SCLT1: variants seen among roughly 807,000 people sequenced by gnomAD.
SCLT1 encodes sodium channel and clathrin linker 1, also known as sodium channel-associated protein 1.
Under a neutral mutation model 112.8 loss-of-function variants are expected in SCLT1, and 78 were observed. That is an observed-to-expected ratio of 0.69 (90% CI 0.58 to 0.83). The LOEUF (loss-of-function observed/expected upper bound fraction) is 0.83. Among genes scored for constraint, SCLT1 ranks in the 40% least tolerant of loss-of-function variants. The pLI, the probability that SCLT1 is intolerant of heterozygous loss-of-function variation, is 0.00. For missense variants in SCLT1, 747 were observed against 770.4 expected (o/e 0.97, Z 0.36); for synonymous variants, 257 against 254.7 (o/e 1.01, Z -0.09).
downstream of SCLT1, among the ~76,000 whole-genome samples, chr4:128,883,431 A>G (rs1732692459): frequency 6.6e-6 from 1 of 152,120 alleles, no homozygotes; most frequent in Non-Finnish European, 1.5e-5. Flanking sequence ...GGGGAGGGAC[A>G]GCATTAGGAG....
At chr4:128,992,987 T>C (rs928617233) in intron 8 of SCLT1, among the ~76,000 whole-genome samples, 2 of 152,042 alleles carry the variant, frequency 1.3e-5, no homozygotes, top group South Asian at 2.1e-4. Context: ...TTGATCTTAA[T>C]AGTTTTGATT....
At chr4:128,964,913 TTTTA>T (rs1442396536) in intron 11 of SCLT1, among the ~76,000 whole-genome samples, 1 of 152,134 alleles carries the variant, frequency 6.6e-6, no homozygotes, top group Admixed American at 6.5e-5. Flanking sequence ...ATATCAAGGG[TTTTA>T]TTTGTTTCCT....
chr4:129,077,239 A>C (rs1177406391), intron 2 of SCLT1, among the ~76,000 whole-genome samples: 4 of 151,718 alleles, frequency 2.6e-5, no homozygotes, highest in African/African-American at 7.3e-5. Flanking sequence ...TTATATAGAC[A>C]ATCAAGTTTG....
At chr4:128,956,993 T>A (rs376064626) in intron 13 of SCLT1, 33 bp downstream of exon 13, 1 of 1,223,376 alleles carries the variant, frequency 8.2e-7, no homozygotes, top group African/African-American at 1.5e-5. Flanking sequence ...GTGACTTAAA[T>A]TCTGAATTTT....
chr4:128,992,144 A>C, intron 9 of SCLT1, 23 bp downstream of exon 9: 1 of 1,453,408 alleles, frequency 6.9e-7, no homozygotes, highest in Non-Finnish European at 9.6e-7. Flanking sequence ...CAATGAAATA[A>C]TGAAACTCAT....
Position 128,936,918 on chromosome 4 carries a change from T to C in SCLT1, c.1633-67A>G, listed in dbSNP as rs17013952. ...ATAGGTGCTATACAGATCAATGATA[T>C]ATACAAAAGGAATCATTCATTATGT... On this transcript the variant is annotated intron_variant, in intron 17 of 20. Transcript: ENST00000281142. The C allele has an allele frequency of 6.9e-3, 4,317 of 625,466 alleles. 112 individuals carry two copies. The highest frequency in any genetic ancestry group is 0.061 in the African/African-American group (3,190 of 51,990). The allele number at this position is 625,466 out of a possible 1,614,324, so 38.7% of individuals were successfully genotyped here.
chr4:128,903,756 A>C (rs762183256), intron 18 of SCLT1, among the ~76,000 whole-genome samples: 1 of 152,172 alleles, frequency 6.6e-6, no homozygotes, highest in Non-Finnish European at 1.5e-5. Context: ...CCTTCCTGTC[A>C]GTACTTTGTA....
chr4:128,908,716 C>G (rs1458482348), intron 18 of SCLT1, among the ~76,000 whole-genome samples: 4 of 152,132 alleles, frequency 2.6e-5, no homozygotes, highest in African/African-American at 7.2e-5. Flanking sequence ...CATACATTTC[C>G]CAGACTTCTA....
chr4:129,055,773 GGAGT>G (rs1315516146), intron 2 of SCLT1, among the ~76,000 whole-genome samples: 1 of 151,878 alleles, frequency 6.6e-6, no homozygotes, highest in Non-Finnish European at 1.5e-5. Flanking sequence ...CCTTTCCAGG[GGAGT>G]GAGTAATTCT....
In SCLT1 at chr4:128,970,286, C is replaced by T; in HGVS notation, c.777+92G>A. The T allele has an allele frequency of 8.3e-6, 6 of 719,138 alleles. 1 individual carries two copies. The highest frequency in any genetic ancestry group is 4.7e-5 in the South Asian group (3 of 63,190). 44.5% of individuals were successfully genotyped at this position (719,138 alleles called of 1,614,324 possible). A position where few individuals can be genotyped will look rare whatever the true frequency, so the allele number is the denominator to read the frequency against. On this transcript the variant is annotated intron_variant, in intron 10 of 20. Transcript: ENST00000281142. The stretch of plus-strand genomic sequence containing the variant: ...TTAAAATAATTAATTCATCTTCTGA[C>T]AACCCTCTTTAACACCTAATCCAAA...
chr4:128,891,022 C>T lies in SCLT1; in HGVS notation c.1908+37G>A, dbSNP rs1359912111. On this transcript the variant is annotated intron_variant, in intron 19 of 20. Transcript: ENST00000281142. Reference sequence around the variant, plus strand: ...ATTCTATAACATGTGTATCATGCTGCAGCAGAAAGCACTTCCCAGGGGAGT... The same window carrying T: ...ATTCTATAACATGTGTATCATGCTGTAGCAGAAAGCACTTCCCAGGGGAGT... 4.9e-6 allele frequency: 7 copies of T among 1,416,064 alleles called. No individual in the cohort carries two copies. The South Asian group carries it at 8.1e-5, about 16-fold the overall frequency. 87.7% of individuals were successfully genotyped at this position (1,416,064 alleles called of 1,614,324 possible). A position where few individuals can be genotyped will look rare whatever the true frequency, so the allele number is the denominator to read the frequency against.
intron 18 of SCLT1, among the ~76,000 whole-genome samples, chr4:128,901,671 TA>T (rs541501240): frequency 6.2e-4 from 92 of 148,830 alleles, no homozygotes; most frequent in South Asian, 2.1e-3. Flanking sequence ...TAAAGTATAA[TA>T]AAAAAAAAAT....
chr4:128,907,421 T>C (rs1178877380), intron 18 of SCLT1, among the ~76,000 whole-genome samples: 2 of 152,068 alleles, frequency 1.3e-5, no homozygotes, highest in Non-Finnish European at 2.9e-5. Flanking sequence ...ATCTAGGAGA[T>C]TGAATTAGTA....
chr4:128,883,652 A>G (rs563382889), downstream of SCLT1, among the ~76,000 whole-genome samples: 39 of 152,290 alleles, frequency 2.6e-4, no homozygotes, highest in Admixed American at 9.8e-4. Context: ...GAATGTTTTC[A>G]TGTCACCTTC....
chr4:128,916,499 G>C (rs1735484373), intron 18 of SCLT1, among the ~76,000 whole-genome samples: 1 of 152,132 alleles, frequency 6.6e-6, no homozygotes, highest in South Asian at 2.1e-4. Context: ...TCTCTGAGTA[G>C]ATTTACAGTT....
chr4:128,935,690 G>T (rs867182188), intron 18 of SCLT1, among the ~76,000 whole-genome samples: 1 of 151,746 alleles, frequency 6.6e-6, no homozygotes, highest in Non-Finnish European at 1.5e-5. Flanking sequence ...TTTTATTTTT[G>T]ATTTTTACTA....
chr4:129,060,544 T>C lies in SCLT1; in HGVS notation c.103-16493A>G, dbSNP rs140540239. Among the ~76,000 whole-genome samples the C allele has an allele frequency of 2.0e-5, 3 of 152,278 alleles. No individual in the cohort carries two copies. The East Asian group carries it at 5.8e-4, about 29-fold the overall frequency. On this transcript the variant is annotated intron_variant, in intron 2 of 20. Coordinates refer to ENST00000281142, the MANE Select transcript of SCLT1 (RefSeq NM_144643.4). ...GTTGGGAAGGGCGTGGTAATTTTGT[T>C]TACAGATAAGTGTAATGGAATAGGG...
intron 5 of SCLT1, among the ~76,000 whole-genome samples, chr4:129,031,139 G>C (rs188332157): frequency 1.3e-5 from 2 of 151,934 alleles, no homozygotes; most frequent in East Asian, 3.9e-4. Context: ...TCATCCCTAG[G>C]ATACAAGGCT....
intron 18 of SCLT1, among the ~76,000 whole-genome samples, chr4:128,891,891 C>G (rs1453125713): frequency 6.6e-6 from 1 of 152,100 alleles, no homozygotes. Flanking sequence ...GCAATCCACC[C>G]TCCTCGGCCT....
Sources: gnomAD v4.1 joint callset for allele counts (sites outside exome capture counted in the v4.1 genomes callset) on GRCh38, gnomAD v4.1.1 for gene constraint, MANE v1.5 for transcripts, NCBI Gene and HGNC (gene_info 2026-07-23, HGNC 2026-07-21) for gene names.